Variants in CNTNAP2 observed in about 807,000 individuals in gnomAD.
CNTNAP2 encodes the protein contactin-associated protein-like 2.
Under a neutral mutation model 155.2 loss-of-function variants are expected in CNTNAP2, and 98 were observed. The observed-to-expected ratio is 0.63, with a 90% CI of 0.54 to 0.75. CNTNAP2 has a LOEUF of 0.75. CNTNAP2 is among the 30% of genes least tolerant of loss of function. The probability of loss-of-function intolerance (pLI) is 0.00; values close to 1 mark genes in which losing one functional copy is unlikely to be tolerated. For synonymous variants in CNTNAP2, 651 were observed against 631.2 expected (o/e 1.03, Z -0.47); for missense variants, 1,727 against 1,688.1 (o/e 1.02, Z -0.40).
intron 1 of CNTNAP2, among the ~76,000 whole-genome samples, chr7:146,250,609 T>G (rs549580058): frequency 6.6e-6 from 1 of 152,288 alleles, no homozygotes; most frequent in South Asian, 2.1e-4. Context: ...TGGTGTCTAC[T>G]GATGGCATCA....
intron 1 of CNTNAP2, among the ~76,000 whole-genome samples, chr7:146,516,543 T>C (rs1003661543): frequency 6.6e-5 from 10 of 152,014 alleles, no homozygotes; most frequent in African/African-American, 2.2e-4. Flanking sequence ...GTTATAGTTA[T>C]GTAGCAAGTG....
intron 13 of CNTNAP2, among the ~76,000 whole-genome samples, chr7:147,665,448 T>C: frequency 6.6e-6 from 1 of 152,242 alleles, no homozygotes. Flanking sequence ...GGTGAATATA[T>C]ATTCTTTTCC....
At chr7:148,342,585 T>C (rs535908771) in intron 21 of CNTNAP2, among the ~76,000 whole-genome samples, 1 of 152,390 alleles carries the variant, frequency 6.6e-6, no homozygotes, top group South Asian at 2.1e-4. Flanking sequence ...CTTTTACGAA[T>C]AATCATAGTC....
At chr7:148,107,753 G>A (rs1209021983) in intron 15 of CNTNAP2, among the ~76,000 whole-genome samples, 1 of 152,194 alleles carries the variant, frequency 6.6e-6, no homozygotes. Context: ...GCATAACTCA[G>A]AGAATCTGCA....
chr7:147,984,548 A>G (rs983622299), intron 15 of CNTNAP2, among the ~76,000 whole-genome samples: 9 of 151,682 alleles, frequency 5.9e-5, no homozygotes, highest in African/African-American at 2.2e-4. Flanking sequence ...AAATGGGAAG[A>G]AAAAAAAATC....
At chr7:148,241,295 T>C (rs1375115187) in intron 20 of CNTNAP2, among the ~76,000 whole-genome samples, 2 of 152,226 alleles carry the variant, frequency 1.3e-5, no homozygotes, top group Admixed American at 6.5e-5. Context: ...CCCTTCTCTT[T>C]CTTAAAAGCA....
chr7:147,117,943 G>T (rs1291129259), intron 5 of CNTNAP2, among the ~76,000 whole-genome samples: 1 of 151,874 alleles, frequency 6.6e-6, no homozygotes, highest in Non-Finnish European at 1.5e-5. Flanking sequence ...TAAAATAAAA[G>T]TAACATTAAA....
intron 1 of CNTNAP2, among the ~76,000 whole-genome samples, chr7:146,161,918 T>C (rs1038280859): frequency 3.3e-5 from 5 of 152,190 alleles, no homozygotes; most frequent in Admixed American, 2.6e-4. Context: ...GGGAAAGGAT[T>C]CCCTATTTAA....
intron 8 of CNTNAP2, among the ~76,000 whole-genome samples, chr7:147,274,757 T>A (rs62484992): frequency 0.034 from 5,208 of 152,174 alleles, 121 homozygotes; most frequent in Non-Finnish European, 0.052. Flanking sequence ...TAGACCAATG[T>A]TCAGAAGAAT....
intron 12 of CNTNAP2, among the ~76,000 whole-genome samples, chr7:147,618,664 TATATATAATA>T (rs1563024161): frequency 0.053 from 7,846 of 149,040 alleles, 603 homozygotes; most frequent in Admixed American, 0.15. Context: ...ACAGCTATTA[TATATATAATA>T]ACAGCTATTA....
At chr7:147,593,315 T>A (rs1304909654) in intron 12 of CNTNAP2, among the ~76,000 whole-genome samples, 1 of 149,814 alleles carries the variant, frequency 6.7e-6, no homozygotes, top group Admixed American at 6.8e-5. Context: ...ATGTATAGCA[T>A]AATTTACAGT....
intron 14 of CNTNAP2, among the ~76,000 whole-genome samples, chr7:147,956,261 T>C (rs1801014805): frequency 1.3e-5 from 2 of 150,454 alleles, no homozygotes; most frequent in East Asian, 2.0e-4. Context: ...AAATGACCTT[T>C]GGAGAATATC....
At chr7:147,053,709 A>G (rs554186041) in intron 4 of CNTNAP2, among the ~76,000 whole-genome samples, 1 of 152,278 alleles carries the variant, frequency 6.6e-6, no homozygotes, top group South Asian at 2.1e-4. Context: ...TATAACTTTT[A>G]TTATACATAT....
intron 1 of CNTNAP2, among the ~76,000 whole-genome samples, chr7:146,723,272 G>T (rs113958430): frequency 0.011 from 1,619 of 152,076 alleles, 22 homozygotes; most frequent in African/African-American, 0.037. Flanking sequence ...AAACAACTGG[G>T]GCCACCAGAA....
chr7:146,474,214 T>A (rs993617634), intron 1 of CNTNAP2, among the ~76,000 whole-genome samples: 14 of 151,254 alleles, frequency 9.3e-5, no homozygotes, highest in African/African-American at 3.1e-4. Flanking sequence ...GCATTTATTT[T>A]TTTTTATTTT....
chr7:147,567,651 A>T (rs1434057113), intron 12 of CNTNAP2, among the ~76,000 whole-genome samples: 1 of 152,170 alleles, frequency 6.6e-6, no homozygotes, highest in Non-Finnish European at 1.5e-5. Flanking sequence ...TAACCACATG[A>T]CATGGAGCAC....
chr7:146,598,386 C>T (rs941966336), intron 1 of CNTNAP2, among the ~76,000 whole-genome samples: 1 of 152,092 alleles, frequency 6.6e-6, no homozygotes, highest in African/African-American at 2.4e-5. Flanking sequence ...CTCTGCACGT[C>T]TTTTGGTAGA....
intron 1 of CNTNAP2, among the ~76,000 whole-genome samples, chr7:146,141,393 AT>A (rs1196638337): frequency 3.3e-5 from 5 of 151,846 alleles, no homozygotes; most frequent in Admixed American, 3.3e-4. Flanking sequence ...GATAGACTGT[AT>A]TTTTTATGGA....
intron 9 of CNTNAP2, among the ~76,000 whole-genome samples, chr7:147,347,495 T>A: frequency 8.4e-6 from 1 of 118,536 alleles, no homozygotes; most frequent in East Asian, 2.6e-4. Context: ...TATATATGCA[T>A]ATATATGTGT....
Sources: allele counts gnomAD v4.1 joint callset (sites outside exome capture counted in the v4.1 genomes callset), GRCh38; gene constraint gnomAD v4.1.1; transcripts MANE v1.5; gene names NCBI Gene and HGNC (gene_info 2026-07-23, HGNC 2026-07-21).